ULK4: variants seen among roughly 807,000 people sequenced by gnomAD.
The protein encoded by ULK4 is unc-51 like kinase 4, also known as inactive serine/threonine-protein kinase ULK4.
A neutral mutation model predicts 160.6 loss-of-function variants in ULK4; 133 were observed. The observed-to-expected ratio is 0.83, with a 90% confidence interval of 0.72 to 0.96. The LOEUF is 0.96. Ranked by LOEUF, ULK4 falls within the 40% of genes least tolerant of loss-of-function variation. ULK4 has a pLI of 0.00. For missense variants in ULK4, 1,580 were observed against 1,499.5 expected, an observed-to-expected ratio of 1.05 and a Z score of -0.89; for synonymous variants, 534 against 539.8, an observed-to-expected ratio of 0.99 and a Z score of 0.15.
rs376539443 is a variant in ULK4 at position 41,840,523 on chromosome 3, G to A, written c.1657-4552C>T. On this transcript the variant is annotated intron_variant, in intron 17 of 36. Transcript: ENST00000301831. ...GCCGAGTGCCTGCGATTGCAGGCGCGCGCCGCCACACCTGACTGGTTTTTG... is the reference window on the plus strand; with the variant it reads ...GCCGAGTGCCTGCGATTGCAGGCGCACGCCGCCACACCTGACTGGTTTTTG... 2.4e-4 allele frequency among the ~76,000 whole-genome samples: 37 copies of A among 152,346 alleles called. No homozygotes were observed. In the East Asian group the frequency reaches 3.5e-3, roughly 14 times the overall value.
chr3:41,396,276 G>C (rs1047507759), intron 35 of ULK4, among the ~76,000 whole-genome samples: 13 of 151,798 alleles, frequency 8.6e-5, no homozygotes, highest in African/African-American at 3.1e-4. Context: ...TGTCTCCTAT[G>C]GGCATCATAT....
chr3:41,470,018 G>GAAAAAAAAAAAAAAAAAAA lies in ULK4; in HGVS notation c.3227-6784_3227-6766dup, dbSNP rs71094650. ...GAGGAATTCAAGAAGAAACAGAACA[G>GAAAAAAAAAAAAAAAAAAA]AAAAAAAAAAAAAAAAAAAAAAAAA... On this transcript the variant is annotated intron_variant, in intron 32 of 36. Transcript: ENST00000301831. Among the ~76,000 whole-genome samples, 29 of 45,976 alleles carry GAAAAAAAAAAAAAAAAAAA rather than the reference G, an allele frequency of 6.3e-4. 2 individuals are homozygous for GAAAAAAAAAAAAAAAAAAA. The highest frequency in any genetic ancestry group is 1.1e-3 in the South Asian group (1 of 920). 30.2% of individuals were successfully genotyped at this position (45,976 alleles called of 152,430 possible).
At chr3:41,822,866 C>A (rs928308936) in intron 18 of ULK4, among the ~76,000 whole-genome samples, 2 of 151,408 alleles carry the variant, frequency 1.3e-5, no homozygotes, top group Non-Finnish European at 2.9e-5. Flanking sequence ...GGACTACAGG[C>A]GCCCACCACC....
intron 30 of ULK4, among the ~76,000 whole-genome samples, chr3:41,617,643 G>C (rs2033041090): frequency 6.6e-6 from 1 of 152,202 alleles, no homozygotes; most frequent in Non-Finnish European, 1.5e-5. Context: ...ATCAAAGGCA[G>C]ATAAATCCAT....
At chr3:41,467,712 A>C (rs1018404118) in intron 32 of ULK4, among the ~76,000 whole-genome samples, 4 of 152,200 alleles carry the variant, frequency 2.6e-5, no homozygotes, top group Non-Finnish European at 5.9e-5. Context: ...AAAATTAAAG[A>C]ATTCTATGAA....
intron 35 of ULK4, among the ~76,000 whole-genome samples, chr3:41,257,363 G>A (rs538914860): frequency 2.0e-5 from 3 of 152,230 alleles, no homozygotes; most frequent in South Asian, 4.1e-4. Flanking sequence ...CAGACACAGT[G>A]GCTAACACCT....
At chr3:41,434,886 C>T (rs779594716) in intron 34 of ULK4, among the ~76,000 whole-genome samples, 1 of 152,112 alleles carries the variant, frequency 6.6e-6, no homozygotes, top group African/African-American at 2.4e-5. Context: ...AGTACTTAGT[C>T]AATTTATTTT....
chr3:41,471,588 G>A (rs181953834), intron 32 of ULK4, among the ~76,000 whole-genome samples: 67 of 152,246 alleles, frequency 4.4e-4, no homozygotes, highest in Non-Finnish European at 7.5e-4. Context: ...TAGATTATAC[G>A]TGAGGACAAG....
intron 34 of ULK4, among the ~76,000 whole-genome samples, chr3:41,431,548 T>A (rs72869516): frequency 3.6e-4 from 22 of 61,402 alleles, no homozygotes; most frequent in African/African-American, 2.3e-3. Flanking sequence ...ATTCCCTCCC[T>A]TTTTTTTTTT....
intron 35 of ULK4, among the ~76,000 whole-genome samples, chr3:41,306,009 A>G (rs2079913744): frequency 6.9e-6 from 1 of 145,906 alleles, no homozygotes; most frequent in South Asian, 2.2e-4. Context: ...AGAAGTAAGG[A>G]GCCCCTCCGC....
chr3:41,917,581 TTTG>T (rs1272537560), intron 7 of ULK4, among the ~76,000 whole-genome samples: 1 of 152,188 alleles, frequency 6.6e-6, no homozygotes, highest in East Asian at 1.9e-4. Context: ...TGTGCCTTCT[TTTG>T]TTTTCCTTTC....
chr3:41,931,486 A>AAAAAAG, intron 5 of ULK4, among the ~76,000 whole-genome samples: 1 of 151,666 alleles, frequency 6.6e-6, no homozygotes, highest in East Asian at 1.9e-4. Context: ...AAAAAAAAAA[A>AAAAAAG]AAGAAAGAAA....
At chr3:41,464,786 G>A (rs994875935) in intron 32 of ULK4, among the ~76,000 whole-genome samples, 4 of 152,318 alleles carry the variant, frequency 2.6e-5, no homozygotes, top group African/African-American at 9.6e-5. Flanking sequence ...AGCTCTGTGA[G>A]CAGCAAAGAA....
At chr3:41,649,603 A>G (rs1386996837) in intron 30 of ULK4, among the ~76,000 whole-genome samples, 1 of 152,212 alleles carries the variant, frequency 6.6e-6, no homozygotes, top group Non-Finnish European at 1.5e-5. Flanking sequence ...GGTGGTGCAG[A>G]CACACCAGCC....
chr3:41,372,273 C>A (rs527721756), intron 35 of ULK4, among the ~76,000 whole-genome samples: 9 of 152,246 alleles, frequency 5.9e-5, no homozygotes, highest in Admixed American at 5.2e-4. Context: ...GGACAACATT[C>A]AAATTCAGGA....
At chr3:41,548,408 C>T (rs897052702) in intron 32 of ULK4, among the ~76,000 whole-genome samples, 1 of 151,992 alleles carries the variant, frequency 6.6e-6, no homozygotes, top group Non-Finnish European at 1.5e-5. Flanking sequence ...TGAGCAAGCA[C>T]ATACACCATC....
intron 32 of ULK4, among the ~76,000 whole-genome samples, chr3:41,515,448 A>G (rs916835252): frequency 5.3e-5 from 8 of 152,178 alleles, no homozygotes; most frequent in Non-Finnish European, 7.3e-5. Flanking sequence ...AGCCAGACAT[A>G]TAAGTAGAGG....
intron 31 of ULK4, among the ~76,000 whole-genome samples, chr3:41,570,614 GTTTC>G (rs1214286833): frequency 7.9e-5 from 12 of 152,094 alleles, no homozygotes; most frequent in South Asian, 2.1e-4. Flanking sequence ...TAAATCTATT[GTTTC>G]TTTGAGATAC....
intron 34 of ULK4, among the ~76,000 whole-genome samples, chr3:41,419,104 A>C (rs1332420716): frequency 6.6e-6 from 1 of 152,234 alleles, no homozygotes; most frequent in Non-Finnish European, 1.5e-5. Flanking sequence ...GATAAATGAT[A>C]AAATAAATGT....
Sources: gnomAD v4.1 joint callset for allele counts (sites outside exome capture counted in the v4.1 genomes callset) on GRCh38, gnomAD v4.1.1 for gene constraint, MANE v1.5 for transcripts, NCBI Gene and HGNC (gene_info 2026-07-23, HGNC 2026-07-21) for gene names.